Variants in TBCA observed in about 807,000 individuals in gnomAD.
TBCA encodes the protein tubulin-specific chaperone A.
TBCA carries 6 observed loss-of-function variants against 15.8 expected under a neutral mutation model. The ratio of observed to expected loss-of-function variants is 0.38; its 90% CI spans 0.21 to 0.75. TBCA has a LOEUF of 0.75. Among genes scored for constraint, TBCA ranks in the 30% least tolerant of loss-of-function variants. The pLI is 0.46. For synonymous variants in TBCA, 32 were observed against 42.3 expected, an observed-to-expected ratio of 0.76 and a Z score of 0.94; for missense variants, 90 against 131.2, an observed-to-expected ratio of 0.69 and a Z score of 1.53.
chr5:77,769,945 T>C (rs1387301494), intron 1 of TBCA, among the ~76,000 whole-genome samples: 1 of 152,236 alleles, frequency 6.6e-6, no homozygotes, highest in Non-Finnish European at 1.5e-5. Context: ...TTTTAAGCCA[T>C]TACCAATCCA....
At chr5:77,698,829 G>A (rs555009107) in intron 2 of TBCA, among the ~76,000 whole-genome samples, 4 of 152,034 alleles carry the variant, frequency 2.6e-5, no homozygotes, top group African/African-American at 9.6e-5. Flanking sequence ...CGTATGCAAG[G>A]ACAGTTAAAT....
intron 2 of TBCA, among the ~76,000 whole-genome samples, chr5:77,701,302 T>C (rs957941556): frequency 5.9e-5 from 9 of 151,898 alleles, no homozygotes; most frequent in Admixed American, 5.2e-4. Flanking sequence ...CCAACAAATA[T>C]ATGAAAAAAT....
intron 1 of TBCA, among the ~76,000 whole-genome samples, chr5:77,720,785 G>C (rs1327389538): frequency 6.6e-6 from 1 of 152,100 alleles, no homozygotes; most frequent in Non-Finnish European, 1.5e-5. Flanking sequence ...CTAAAACATG[G>C]TACATAAGTG....
chr5:77,718,024 G>T (rs746992335), intron 1 of TBCA, among the ~76,000 whole-genome samples: 1 of 151,998 alleles, frequency 6.6e-6, no homozygotes, highest in Admixed American at 6.6e-5. Flanking sequence ...CAGCTACTCG[G>T]GAGGCTGAGG....
chr5:77,729,312 T>C (rs1746704863), intron 1 of TBCA, among the ~76,000 whole-genome samples: 1 of 150,122 alleles, frequency 6.7e-6, no homozygotes, highest in Non-Finnish European at 1.5e-5. Flanking sequence ...AGATTCCATC[T>C]AAAAAAAAAG....
intron 1 of TBCA, among the ~76,000 whole-genome samples, chr5:77,755,434 G>A (rs554233887): frequency 1.7e-4 from 26 of 151,734 alleles, no homozygotes; most frequent in African/African-American, 4.4e-4. Context: ...AAAATTAGCC[G>A]TGTGTGGTGG....
intron 1 of TBCA, among the ~76,000 whole-genome samples, chr5:77,737,588 G>GAAA (rs1746940182): frequency 6.6e-6 from 1 of 151,926 alleles, no homozygotes. Flanking sequence ...CAGGTTCATC[G>GAAA]TTTTATAAAA....
At chr5:77,770,479 C>CT (rs529530478) in intron 1 of TBCA, among the ~76,000 whole-genome samples, 68 of 152,278 alleles carry the variant, frequency 4.5e-4, no homozygotes, top group African/African-American at 1.5e-3. Context: ...TTGCCTGGGA[C>CT]TTTCCCAGTT....
At chr5:77,727,487 C>T (rs7724072) in intron 1 of TBCA, among the ~76,000 whole-genome samples, 16,242 of 151,866 alleles carry the variant, frequency 0.11, 938 homozygotes, top group Middle Eastern at 0.13. Context: ...GAAATGAGTA[C>T]GAGAACAATA....
intron 1 of TBCA, 105 bp downstream of exon 1, chr5:77,776,100 T>A: frequency 1.4e-6 from 2 of 1,424,222 alleles, no homozygotes; most frequent in Non-Finnish European, 1.9e-6. Context: ...CGGCCTGGAG[T>A]TCGGAGCCCG....
chr5:77,694,132 C>T (rs1462326483), intron 2 of TBCA: 1 of 152,176 alleles, frequency 6.6e-6, no homozygotes, highest in Non-Finnish European at 1.5e-5. Context: ...TTATTGATCA[C>T]ATCGTGTGCA....
intron 1 of TBCA, among the ~76,000 whole-genome samples, chr5:77,759,527 C>A (rs1226582017): frequency 1.3e-5 from 2 of 152,128 alleles, no homozygotes; most frequent in South Asian, 4.2e-4. Flanking sequence ...TTATGGGGGG[C>A]CTTTGAATTT....
At chr5:77,718,495 T>C (rs1746455457) in intron 1 of TBCA, among the ~76,000 whole-genome samples, 1 of 152,184 alleles carries the variant, frequency 6.6e-6, no homozygotes, top group African/African-American at 2.4e-5. Context: ...GAATTCTCAC[T>C]AGTTCCTTAG....
At chr5:77,743,022 C>T (rs571041039) in intron 1 of TBCA, among the ~76,000 whole-genome samples, 4 of 152,232 alleles carry the variant, frequency 2.6e-5, no homozygotes, top group Admixed American at 2.6e-4. Context: ...TTACCCAGTC[C>T]CATGCCATCT....
Position 77,691,401 on chromosome 5 carries a change from C to A in TBCA, c.*17G>T. On this transcript the variant is annotated 3_prime_UTR_variant, in exon 4 of 4. Coordinates refer to ENST00000380377, the MANE Select transcript of TBCA (RefSeq NM_004607.3). ...CCCCAGGATTTAATGCAAAAACCAC[C>A]CCATACGAGAAAAGTTTCAGGCTTC... 3 of 1,590,666 alleles carry A rather than the reference C, an allele frequency of 1.9e-6. No individual in the cohort carries two copies. The highest frequency in any genetic ancestry group is 1.7e-6 in the Non-Finnish European group (2 of 1,170,112).
chr5:77,692,494 G>T (rs977473424), intron 3 of TBCA: 1 of 930,530 alleles, frequency 1.1e-6, no homozygotes, highest in Non-Finnish European at 1.3e-6. Flanking sequence ...CACCATGTTG[G>T]TCAGGCTGGT....
chr5:77,711,926 A>C (rs935915362), intron 1 of TBCA, among the ~76,000 whole-genome samples: 6 of 152,182 alleles, frequency 3.9e-5, no homozygotes, highest in Admixed American at 1.3e-4. Context: ...TTTTGTGAAA[A>C]GGCCCAGGAA....
Position 77,766,602 on chromosome 5 carries a change from C to A in TBCA, c.53+9603G>T. ...TCCGCTCACTGCAAGCTCCGCCTTC[C>A]GGGTTCACGCCATTCTCCTGCCTCA... is the stretch of plus-strand genomic sequence containing the variant. On this transcript the variant is annotated intron_variant, in intron 1 of 3. Coordinates refer to ENST00000380377, the MANE Select transcript of TBCA (RefSeq NM_004607.3). Among the ~76,000 whole-genome samples the A allele has an allele frequency of 4.6e-5, 2 of 43,390 alleles. 1 individual carries two copies. The highest frequency in any genetic ancestry group is 9.7e-5 in the Non-Finnish European group (2 of 20,722). The allele number at this position is 43,390 out of a possible 152,430, so 28.5% of individuals were successfully genotyped here.
At chr5:77,769,669 TA>T (rs35108099) in intron 1 of TBCA, among the ~76,000 whole-genome samples, 18,307 of 146,028 alleles carry the variant, frequency 0.13, 1,138 homozygotes, top group Middle Eastern at 0.15. Flanking sequence ...CTTGCTTTAT[TA>T]AAAAAAAAAA....
Sources: gnomAD v4.1 joint callset for allele counts (sites outside exome capture counted in the v4.1 genomes callset) on GRCh38, gnomAD v4.1.1 for gene constraint, MANE v1.5 for transcripts, NCBI Gene and HGNC (gene_info 2026-07-23, HGNC 2026-07-21) for gene names.